The following STXBP4 variants were observed in gnomAD, a reference collection of about 807,000 sequenced individuals.
STXBP4 encodes syntaxin-binding protein 4.
Under a neutral mutation model 76.1 loss-of-function variants are expected in STXBP4, and 55 were observed. That is an observed-to-expected ratio of 0.72 (90% CI 0.58 to 0.91). The LOEUF (loss-of-function observed/expected upper bound fraction) is 0.91. STXBP4 is among the 40% of genes least tolerant of loss of function. STXBP4 has a pLI of 0.00. For synonymous variants in STXBP4, 201 were observed against 220.2 expected, an observed-to-expected ratio of 0.91 and a Z score of 0.77; for missense variants, 618 against 636.9, an observed-to-expected ratio of 0.97 and a Z score of 0.32.
chr17:55,210,638 A>G, the STXBP4 span, among the ~76,000 whole-genome samples: 3 of 152,256 alleles, frequency 2.0e-5, no homozygotes, highest in African/African-American at 7.2e-5. Flanking sequence ...CTTGACAGGT[A>G]GATCTTTCCC....
intron 1 of STXBP4, among the ~76,000 whole-genome samples, chr17:54,981,917 T>C (rs2077556065): frequency 6.6e-6 from 1 of 152,196 alleles, no homozygotes; most frequent in African/African-American, 2.4e-5. Flanking sequence ...TGAATGGTTC[T>C]TAAAGCATAA....
intron 3 of STXBP4, among the ~76,000 whole-genome samples, chr17:54,990,074 A>T (rs985948527): frequency 2.0e-5 from 3 of 152,240 alleles, no homozygotes; most frequent in African/African-American, 7.2e-5. Context: ...ACTCCAAAGA[A>T]ATAAGCATTA....
chr17:55,209,982 CTA>C, the STXBP4 span, among the ~76,000 whole-genome samples: 6 of 152,102 alleles, frequency 3.9e-5, no homozygotes, highest in African/African-American at 1.2e-4. Flanking sequence ...AAGGATGCGT[CTA>C]TGTGAGCATG....
At chr17:55,186,789 A>G in the STXBP4 span, among the ~76,000 whole-genome samples, 2 of 152,236 alleles carry the variant, frequency 1.3e-5, no homozygotes, top group African/African-American at 2.4e-5. Flanking sequence ...TAGATATACT[A>G]TCATTAGTCC....
chr17:55,185,269 CCTTCTCCTTCTCCTT>C, the STXBP4 span, among the ~76,000 whole-genome samples: 262 of 48,102 alleles, frequency 5.4e-3, 7 homozygotes, highest in African/African-American at 0.023. Context: ...TTCTCCTTCT[CCTTCTCCTTCTCCTT>C]CTCCTTCTCC....
intron 7 of STXBP4, among the ~76,000 whole-genome samples, chr17:55,001,846 A>G (rs1048042420): frequency 1.3e-4 from 20 of 152,110 alleles, no homozygotes; most frequent in Admixed American, 6.5e-4. Context: ...GTTAGCCAGG[A>G]TGGTCTCGAT....
Position 55,049,957 on chromosome 17 carries a change from T to A in STXBP4, c.1011+2803T>A, listed in dbSNP as rs76453502. On this transcript the variant is annotated intron_variant, in intron 12 of 17. Coordinates refer to ENST00000376352, the MANE Select transcript of STXBP4 (RefSeq NM_178509.6). The stretch of plus-strand genomic sequence containing the variant: ...CAGTCTCAAAACTATATAAATTGTT[T>A]CAGGGTATAAAAAATGAAAGAAATT... 1.5e-3 allele frequency among the ~76,000 whole-genome samples: 226 copies of A among 152,188 alleles called. 5 individuals carry two copies. In the East Asian group the frequency reaches 0.043, roughly 29 times the overall value.
chr17:55,102,597 G>A (rs2079580553), intron 16 of STXBP4, among the ~76,000 whole-genome samples: 1 of 152,164 alleles, frequency 6.6e-6, no homozygotes, highest in Non-Finnish European at 1.5e-5. Flanking sequence ...ATGTGTATAT[G>A]TGTCTTTATA....
chr17:55,155,703 A>G (rs900109821), intron 17 of STXBP4, among the ~76,000 whole-genome samples: 1 of 152,254 alleles, frequency 6.6e-6, no homozygotes. Context: ...TCTACAGAAC[A>G]AGTGCCCTTT....
intron 1 of STXBP4, among the ~76,000 whole-genome samples, chr17:54,975,122 C>G (rs897376719): frequency 1.3e-5 from 2 of 152,150 alleles, no homozygotes; most frequent in African/African-American, 4.8e-5. Flanking sequence ...GTTTAATGCT[C>G]TACTGTCAGC....
In STXBP4 at chr17:55,081,051, GA is replaced by G; in HGVS notation, c.1360del (p.Arg454GlufsTer5). 1 of 1,486,080 alleles carries G rather than the reference GA, an allele frequency of 6.7e-7. No homozygotes were observed. The highest frequency in any genetic ancestry group is 8.9e-7 in the Non-Finnish European group (1 of 1,122,826). The allele number at this position is 1,486,080 out of a possible 1,614,324, so 92.1% of individuals were successfully genotyped here. A position where few individuals can be genotyped will look rare whatever the true frequency, so the allele number is the denominator to read the frequency against. On this transcript the variant is annotated frameshift_variant and splice_region_variant, in exon 16 of 18. Coordinates refer to ENST00000376352, the MANE Select transcript of STXBP4 (RefSeq NM_178509.6). LOFTEE classifies it high-confidence loss of function. ...AACTTTATTTTATTGCCTTCATAGT[GA>G]AAGAAGAGCTGTGTTAGCTTCTCAG... is the stretch of plus-strand genomic sequence containing the variant. Reference protein sequence around the residue: ...DNSTPLSNLSERRAVLASQTS... With the variant: ...DNSTPLSNLSXRRAVLASQTS...
chr17:55,185,284 T>C, the STXBP4 span, among the ~76,000 whole-genome samples: 31 of 85,404 alleles, frequency 3.6e-4, no homozygotes, highest in East Asian at 2.8e-3. Context: ...TCCTTCTCCT[T>C]CTCCTTCTCC....
intron 8 of STXBP4, among the ~76,000 whole-genome samples, chr17:55,027,509 C>T (rs902857958): frequency 7.2e-5 from 11 of 152,086 alleles, no homozygotes; most frequent in Non-Finnish European, 1.6e-4. Flanking sequence ...CAGACTTCAC[C>T]ATTAATACAA....
Position 54,984,632 on chromosome 17 carries a change from C to T in STXBP4, c.-156-982C>T, listed in dbSNP as rs140986395. Among the ~76,000 whole-genome samples, 540 of 152,168 alleles carry T rather than the reference C, an allele frequency of 3.5e-3. 5 individuals carry two copies. The highest frequency in any genetic ancestry group is 0.011 in the African/African-American group (439 of 41,504). On this transcript the variant is annotated intron_variant, in intron 1 of 17. Transcript: ENST00000376352. ...TACTAGGATTACAGGCGTGAACCAC[C>T]GCACCCGGCCAGTTTCTCTGGGATT... is the stretch of plus-strand genomic sequence containing the variant.
At chr17:55,188,298 C>T in the STXBP4 span, among the ~76,000 whole-genome samples, 2 of 152,202 alleles carry the variant, frequency 1.3e-5, no homozygotes, top group African/African-American at 4.8e-5. Flanking sequence ...GTCTGGGTCA[C>T]ATTGTCCTCA....
chr17:55,047,859 A>C (rs577225489), intron 12 of STXBP4, among the ~76,000 whole-genome samples: 2 of 152,050 alleles, frequency 1.3e-5, no homozygotes, highest in Admixed American at 1.3e-4. Flanking sequence ...TAAAGTACAT[A>C]TAAATACAAC....
intron 16 of STXBP4, among the ~76,000 whole-genome samples, chr17:55,137,266 C>T (rs1256033325): frequency 1.3e-5 from 2 of 151,298 alleles, no homozygotes; most frequent in African/African-American, 4.9e-5. Context: ...CCCCCCACAC[C>T]TCCATGTTCC....
At chr17:54,985,330 AAAC>A (rs367752984) in intron 1 of STXBP4, among the ~76,000 whole-genome samples, 28 of 152,042 alleles carry the variant, frequency 1.8e-4, no homozygotes, top group African/African-American at 5.8e-4. Flanking sequence ...AGGAGAAGAA[AAAC>A]AACAACAACA....
rs372266941 is a variant in STXBP4, at chr17:55,031,159, A to G, written c.667-9A>G. ...AAAAATTGCTTTTCATGAGTCCTTT[A>G]TCTTCCAGGCTCTAAATTATCTTGG... On this transcript the variant is annotated splice_polypyrimidine_tract_variant and intron_variant, in intron 8 of 17. Coordinates refer to ENST00000376352, the MANE Select transcript of STXBP4 (RefSeq NM_178509.6). 8 of 1,610,244 alleles carry G rather than the reference A, an allele frequency of 5.0e-6. No homozygotes were observed. In the African/African-American group the frequency reaches 8.0e-5, roughly 16 times the overall value.
Sources: gnomAD v4.1 joint callset for allele counts (sites outside exome capture counted in the v4.1 genomes callset) on GRCh38, gnomAD v4.1.1 for gene constraint, MANE v1.5 for transcripts, NCBI Gene and HGNC (gene_info 2026-07-23, HGNC 2026-07-21) for gene names.